Variants in CYB5R3 observed in about 807,000 individuals in gnomAD.
The protein encoded by CYB5R3 is cytochrome b5 reductase 3.
CYB5R3 carries 28 observed loss-of-function variants against 36.5 expected under a neutral mutation model. The observed-to-expected ratio is 0.77, with a 90% CI of 0.57 to 1.05. The LOEUF (loss-of-function observed/expected upper bound fraction) is 1.05, where lower values mean the gene tolerates loss of function less well. Ranked by LOEUF, CYB5R3 falls within the 50% of genes least tolerant of loss-of-function variation. CYB5R3 has a pLI of 0.00. For synonymous variants in CYB5R3, 181 were observed against 159.8 expected (o/e 1.13, Z -1.00); for missense variants, 474 against 408.9 (o/e 1.16, Z -1.37).
Position 42,648,377 on chromosome 22 carries a change from C to A in CYB5R3, c.21+918G>T, listed in dbSNP as rs371304325. 1.2e-3 allele frequency among the ~76,000 whole-genome samples: 181 copies of A among 152,350 alleles called. 1 individual carries two copies. The highest frequency in any genetic ancestry group is 3.8e-3 in the African/African-American group (158 of 41,580). Reference sequence around the variant, plus strand: ...CAGTTGACAGGAGAGCTGCCCTCTGCAGCCGCAGCCTCCACATGTCCACAC... The same window carrying A: ...CAGTTGACAGGAGAGCTGCCCTCTGAAGCCGCAGCCTCCACATGTCCACAC... On this transcript the variant is annotated intron_variant, in intron 1 of 8. Coordinates refer to ENST00000352397, the MANE Select transcript of CYB5R3 (RefSeq NM_000398.7).
intron 8 of CYB5R3, among the ~76,000 whole-genome samples, chr22:42,622,996 T>C (rs981676147): frequency 2.6e-5 from 4 of 152,346 alleles, no homozygotes; most frequent in Non-Finnish European, 2.9e-5. Flanking sequence ...CACAGCGGGA[T>C]TGCCCACGGC....
chr22:42,640,132 C>G (rs756554188), intron 1 of CYB5R3: 2 of 1,613,604 alleles, frequency 1.2e-6, no homozygotes, highest in East Asian at 4.5e-5. Context: ...CTGAATAGCT[C>G]TAGGGATCTC....
In CYB5R3 at chr22:42,619,781, C is replaced by T. The variant is rs61743746; in HGVS notation, c.898G>A (p.Val300Ile). The stretch of plus-strand genomic sequence containing the variant: ...GTGACCGTGCCCGGCCCTCAGAAGA[C>T]GAAGCAGCGCTCCGTGGGGTGGCCC... ...HVGHPTERCFVF is the reference protein window; with the variant it reads ...HVGHPTERCFIF Residue 300 changes from valine to isoleucine, a missense_variant, in exon 9 of 9, where the codon GTC becomes ATC. Val to Ile is a conservative substitution (Grantham distance 29). Transcript: ENST00000352397. 1.5e-3 allele frequency: 2,336 copies of T among 1,582,544 alleles called. 28 individuals are homozygous for T. In the African/African-American group the frequency reaches 0.026, roughly 18 times the overall value.
intron 8 of CYB5R3, 21 bp downstream of exon 8, chr22:42,623,768 T>C (rs775814725): frequency 3.1e-6 from 5 of 1,605,268 alleles, no homozygotes; most frequent in Admixed American, 1.7e-5. Context: ...ACCCACCCAG[T>C]GAGGGGCCTC....
intron 2 of CYB5R3, among the ~76,000 whole-genome samples, chr22:42,635,272 T>C (rs891894718): frequency 4.6e-5 from 7 of 150,588 alleles, no homozygotes; most frequent in African/African-American, 1.7e-4. Context: ...GCCCGGCCAA[T>C]TTTTTGTATT....
chr22:42,636,734 A>G lies in CYB5R3; in HGVS notation c.134T>C (p.Leu45Pro), dbSNP rs2146893817. ...TLESPDIKYP[L>P]RLIDREIISH... ...ACTCACCTCCCGGTCGATGAGCCGC[A>G]GCGGGTACTTGATGTCCGGGCTCTC... is the stretch of plus-strand genomic sequence containing the variant. The change falls in exon 2 of 9, where the codon CTG becomes CCG. Residue 45 changes from leucine to proline, a missense_variant. Coordinates refer to ENST00000352397, the MANE Select transcript of CYB5R3 (RefSeq NM_000398.7). The G allele has an allele frequency of 2.5e-6, 4 of 1,613,072 alleles. No individual in the cohort carries two copies. Among genetic ancestry groups the G allele is most frequent in the Non-Finnish European group, 3.4e-6 (4 of 1,179,934 alleles).
Position 42,636,848 on chromosome 22 carries a change from T to C in CYB5R3, c.22-2A>G. On this transcript the variant is annotated splice_acceptor_variant, in intron 1 of 8. Transcript: ENST00000352397. LOFTEE classifies it high-confidence loss of function. ...TGGGAAGAGCACCATATGGCCCAAC[T>C]GAAACGACAGGACCCGCGGGGTCAG... is the stretch of plus-strand genomic sequence containing the variant. 1.2e-6 allele frequency: 2 copies of C among 1,613,408 alleles called. No individual in the cohort carries two copies. The highest frequency in any genetic ancestry group is 1.3e-5 in the African/African-American group (1 of 75,054).
At chr22:42,646,495 TG>T in intron 1 of CYB5R3, 1 of 228,770 alleles carries the variant, frequency 4.4e-6, no homozygotes, top group Non-Finnish European at 7.2e-6. Context: ...AATTCCCCAC[TG>T]GGACCCTGGC....
At position 42,619,260 on chromosome 22, in the gene CYB5R3, C is replaced by G. The variant is rs1927814880; in HGVS notation, c.*513G>C. 1 of 160,310 alleles carries G rather than the reference C, an allele frequency of 6.2e-6. No homozygotes were observed. Among genetic ancestry groups the G allele is most frequent in the Non-Finnish European group, 1.4e-5 (1 of 72,300 alleles). 9.9% of individuals were successfully genotyped at this position (160,310 alleles called of 1,614,324 possible). ...CAGGGCCCTGGGGTAGGGAGCAGTGCCCCCAAGAGGGCTTTCTGGTGTCAA... is the reference window on the plus strand; with the variant it reads ...CAGGGCCCTGGGGTAGGGAGCAGTGGCCCCAAGAGGGCTTTCTGGTGTCAA... On this transcript the variant is annotated 3_prime_UTR_variant, in exon 9 of 9. Transcript: ENST00000352397.
At chr22:42,621,664 C>G (rs867567571) in intron 8 of CYB5R3, among the ~76,000 whole-genome samples, 1 of 152,220 alleles carries the variant, frequency 6.6e-6, no homozygotes, top group Non-Finnish European at 1.5e-5. Context: ...GGTAACTGTC[C>G]CGTGGTGGTG....
chr22:42,629,402 T>C (rs1259190813), intron 4 of CYB5R3, among the ~76,000 whole-genome samples: 7 of 152,144 alleles, frequency 4.6e-5, no homozygotes, highest in Admixed American at 3.3e-4. Flanking sequence ...TGTCACCTGC[T>C]AGGGAGCCAC....
Position 42,619,573 on chromosome 22 carries a change from G to T in CYB5R3, c.*200C>A. On this transcript the variant is annotated 3_prime_UTR_variant, in exon 9 of 9. Transcript: ENST00000352397. Reference sequence around the variant, plus strand: ...AGTGCCAGGCAGGACGTACTCTGAAGGCTCAGCCGTGGCCCATCTGGGACA... The same window carrying T: ...AGTGCCAGGCAGGACGTACTCTGAATGCTCAGCCGTGGCCCATCTGGGACA... The T allele has an allele frequency of 1.7e-6, 1 of 603,114 alleles. No homozygotes were observed. The highest frequency in any genetic ancestry group is 2.9e-6 in the Non-Finnish European group (1 of 339,986). The allele number at this position is 603,114 out of a possible 1,614,324, so 37.4% of individuals were successfully genotyped here.
intron 2 of CYB5R3, among the ~76,000 whole-genome samples, chr22:42,635,197 T>G (rs569982234): frequency 2.6e-4 from 40 of 152,084 alleles, no homozygotes; most frequent in Admixed American, 1.0e-3. Flanking sequence ...CTCAATCTCC[T>G]GACCTTGTGA....
chr22:42,644,290 T>G (rs1929431028), intron 1 of CYB5R3: 1 of 661,724 alleles, frequency 1.5e-6, no homozygotes, highest in South Asian at 1.6e-5. Context: ...GCCCCGGGGG[T>G]CCGAACCAAC....
intron 1 of CYB5R3, 89 bp downstream of exon 1, chr22:42,649,206 G>A (rs1929658022): frequency 7.0e-6 from 4 of 571,016 alleles, no homozygotes; most frequent in South Asian, 8.4e-5. Context: ...CGGGTCCCGC[G>A]TCACCTCCCG....
intron 1 of CYB5R3, chr22:42,644,284 C>T (rs1277109514): frequency 1.1e-5 from 7 of 657,940 alleles, no homozygotes; most frequent in Admixed American, 4.2e-5. Flanking sequence ...CCCCCAGCCC[C>T]GGGGGTCCGA....
At chr22:42,623,998 G>A in intron 7 of CYB5R3, 110 bp from the exon 8 acceptor site, 1 of 937,822 alleles carries the variant, frequency 1.1e-6, no homozygotes, top group Non-Finnish European at 1.7e-6. Flanking sequence ...CCACACGCTT[G>A]CGGAGCTTTC....
rs371710254 is a variant in CYB5R3, at chr22:42,628,281, C to T, written c.334G>A (p.Val112Ile). ...TTGGGATGGGTGTCCTTGAAGTAAA[C>T]CTGCAAGACACCCCCGCAGCCCTCA... ...DKGFVDLVIKVYFKDTHPKFP... is the reference protein window; with the variant it reads ...DKGFVDLVIKIYFKDTHPKFP... The change falls in exon 5 of 9, where the codon GTT (valine) becomes ATT (isoleucine). Residue 112 changes from valine to isoleucine, a missense_variant and splice_region_variant. Transcript: ENST00000352397. 1.1e-5 allele frequency: 17 copies of T among 1,613,854 alleles called. No homozygotes were observed. The highest frequency in any genetic ancestry group is 1.2e-5 in the Non-Finnish European group (14 of 1,179,846).
intron 8 of CYB5R3, 111 bp from the exon 9 acceptor site, chr22:42,620,056 A>G: frequency 9.1e-7 from 1 of 1,092,974 alleles, no homozygotes; most frequent in Admixed American, 2.0e-5. Flanking sequence ...GGAGAGGCTG[A>G]TCCCAGCAAA....
Sources: gnomAD v4.1 joint callset for allele counts (sites outside exome capture counted in the v4.1 genomes callset) on GRCh38, gnomAD v4.1.1 for gene constraint, MANE v1.5 for transcripts, NCBI Gene and HGNC (gene_info 2026-07-23, HGNC 2026-07-21) for gene names.